Variants in ZNF79 observed in about 807,000 individuals in gnomAD.
ZNF79 encodes ZNFpT7.
In ZNF79, 13 loss-of-function variants were observed where a neutral mutation model predicts 14.9. The ratio of observed to expected loss-of-function variants is 0.87; its 90% CI spans 0.57 to 1.38. ZNF79 has a LOEUF of 1.38. ZNF79 is among the 40% of genes most tolerant of loss of function. ZNF79 has a pLI of 0.00. For synonymous variants in ZNF79, 223 were observed against 235.1 expected, an observed-to-expected ratio of 0.95 and a Z score of 0.47; for missense variants, 631 against 630.6, an observed-to-expected ratio of 1.00 and a Z score of -0.01.
At chr9:127,439,111 C>A (rs200713236) in intron 4 of ZNF79, among the ~76,000 whole-genome samples, 20 of 145,568 alleles carry the variant, frequency 1.4e-4, no homozygotes, top group Admixed American at 2.1e-4. Flanking sequence ...GACTCTGTCA[C>A]AAAAAAAAAG....
intron 1 of ZNF79, among the ~76,000 whole-genome samples, chr9:127,427,026 C>CT (rs112931218): frequency 3.3e-5 from 5 of 152,184 alleles, no homozygotes; most frequent in African/African-American, 9.6e-5. Context: ...TTTTCATTTG[C>CT]TTTTCCCCAA....
intron 3 of ZNF79, 85 bp downstream of exon 3, chr9:127,435,301 A>G: frequency 6.9e-7 from 1 of 1,441,314 alleles, no homozygotes; most frequent in East Asian, 2.5e-5. Context: ...GGGGTTTCTG[A>G]CTGGTGTGAT....
At chr9:127,427,539 A>ATTTT (rs1564230225) in intron 1 of ZNF79, among the ~76,000 whole-genome samples, 2 of 122,640 alleles carry the variant, frequency 1.6e-5, no homozygotes, top group Non-Finnish European at 1.7e-5. Flanking sequence ...CAATAACTAA[A>ATTTT]TTCTTTTTTT....
intron 4 of ZNF79, among the ~76,000 whole-genome samples, chr9:127,441,855 G>C (rs141415223): frequency 2.3e-3 from 353 of 151,272 alleles, no homozygotes; most frequent in African/African-American, 8.2e-3. Flanking sequence ...TGAGGCAGGA[G>C]AATGGCATGA....
intron 4 of ZNF79, 58 bp downstream of exon 4, chr9:127,436,061 ACG>A (rs1833943073): frequency 2.1e-6 from 3 of 1,425,746 alleles, no homozygotes; most frequent in African/African-American, 1.4e-5. Flanking sequence ...CCTTTAAATC[ACG>A]CATGAGTGTA....
intron 4 of ZNF79, among the ~76,000 whole-genome samples, chr9:127,440,440 G>C (rs1463803155): frequency 6.6e-6 from 1 of 152,180 alleles, no homozygotes; most frequent in African/African-American, 2.4e-5. Flanking sequence ...TAGAAGACCT[G>C]TGTGGCCAGA....
chr9:127,432,972 G>A, intron 2 of ZNF79, among the ~76,000 whole-genome samples: 1 of 152,096 alleles, frequency 6.6e-6, no homozygotes, highest in East Asian at 1.9e-4. Flanking sequence ...AGTAGAGATG[G>A]GGTTTCACCA....
Position 127,444,638 on chromosome 9 carries a change from C to A in ZNF79, c.938C>A (p.Ala313Asp). Residue 313 changes from alanine (A) to aspartate (D), a missense_variant, in exon 5 of 5, where the codon GCC becomes GAC. Physicochemically the swap from Ala to Asp is moderately radical, Grantham distance 126. Coordinates refer to ENST00000342483, the MANE Select transcript of ZNF79 (RefSeq NM_007135.3). ...TACGAATGCAGCGACTGTGGGAAGG[C>A]CTTCCGTCACAGTGCAAACCTCACG... ...KPYECSDCGK[A>D]FRHSANLTNH... 2 of 1,614,106 alleles carry A rather than the reference C, an allele frequency of 1.2e-6. No individual in the cohort carries two copies. Among genetic ancestry groups the A allele is most frequent in the South Asian group, 2.2e-5 (2 of 91,082 alleles).
intron 2 of ZNF79, among the ~76,000 whole-genome samples, chr9:127,431,008 G>A (rs925587817): frequency 1.3e-5 from 2 of 152,114 alleles, no homozygotes; most frequent in African/African-American, 4.8e-5. Context: ...TCATGGTTTT[G>A]ATTTGCATTT....
Position 127,435,092 on chromosome 9 carries a change from A to G in ZNF79, c.108A>G (p.Gly36=). 6.2e-7 allele frequency: 1 copy of G among 1,607,428 alleles called. No homozygotes were observed. The highest frequency in any genetic ancestry group is 8.5e-7 in the Non-Finnish European group (1 of 1,177,276). Reference sequence around the variant, plus strand: ...ATGAAATGTGCTTGTTTTTTCAGGGATCCACATTCTTCAGCAGTGTGACGG... The same window carrying G: ...ATGAAATGTGCTTGTTTTTTCAGGGGTCCACATTCTTCAGCAGTGTGACGG... The part of the protein sequence containing the change: ...AAGLLTAGPR[G]STFFSSVTVA... The change falls in exon 3 of 5, where the codon GGA becomes GGG. Residue 36 remains glycine, a splice_region_variant and synonymous_variant. Transcript: ENST00000342483.
chr9:127,445,097 T>C lies in ZNF79; in HGVS notation c.1397T>C (p.Ile466Thr), dbSNP rs777509271. The change falls in exon 5 of 5, where the codon ATC (isoleucine) becomes ACC (threonine). Residue 466 changes from isoleucine (I) to threonine (T), a missense_variant. Ile to Thr is a moderately conservative substitution (Grantham distance 89). Transcript: ENST00000342483. The stretch of plus-strand genomic sequence containing the variant: ...TCATCCCTTAGTCAGCATCAGAGAA[T>C]CCACACAGGCGTGAAACCCTACGAA... ...QSSSLSQHQR[I>T]HTGVKPYECS... 12 of 1,606,582 alleles carry C rather than the reference T, an allele frequency of 7.5e-6. No individual in the cohort carries two copies. In the East Asian group the frequency reaches 2.7e-4, roughly 36 times the overall value.
At chr9:127,431,277 G>C (rs1452683519) in intron 2 of ZNF79, among the ~76,000 whole-genome samples, 1 of 146,060 alleles carries the variant, frequency 6.8e-6, no homozygotes, top group East Asian at 2.0e-4. Context: ...TTTTTTTAGA[G>C]ACAGAGTCTC....
chr9:127,444,897 C>G lies in ZNF79; in HGVS notation c.1197C>G (p.Ser399Arg), dbSNP rs760670151. The part of the protein sequence containing the change: ...YKCSECGKAF[S>R]QSTNLIIHQK... The stretch of plus-strand genomic sequence containing the variant: ...GCAGCGAGTGTGGGAAGGCCTTCAG[C>G]CAGAGTACCAATCTCATAATCCACC... The change falls in exon 5 of 5, where the codon AGC (serine) becomes AGG (arginine). Residue 399 changes from serine to arginine, a missense_variant. Transcript: ENST00000342483. 1.1e-5 allele frequency: 17 copies of G among 1,608,922 alleles called. No individual in the cohort carries two copies. The highest frequency in any genetic ancestry group is 1.4e-5 in the Non-Finnish European group (16 of 1,178,634).
At chr9:127,437,677 C>T (rs1833974452) in intron 4 of ZNF79, among the ~76,000 whole-genome samples, 1 of 151,704 alleles carries the variant, frequency 6.6e-6, no homozygotes, top group South Asian at 2.1e-4. Flanking sequence ...TTCCTTGCCT[C>T]TTTCTAGTTT....
rs748112942 is a variant in ZNF79 at position 127,428,902 on chromosome 9, C to T, written c.87C>T (p.Leu29=). Residue 29 remains leucine, a synonymous_variant, in exon 2 of 5, where the codon CTC becomes CTT. Coordinates refer to ENST00000342483, the MANE Select transcript of ZNF79 (RefSeq NM_007135.3). ...NTGEEGMAAG[L]LTAGPRGSTF... ...GAGAGGAAGGAATGGCTGCTGGTCT[C>T]CTCACAGCTGGGCCCCGGGTAAGTT... The T allele has an allele frequency of 3.1e-6, 5 of 1,600,688 alleles. No individual in the cohort carries two copies. The highest frequency in any genetic ancestry group is 4.3e-6 in the Non-Finnish European group (5 of 1,172,812).
At chr9:127,425,021 A>G in intron 1 of ZNF79, 1 of 1,317,702 alleles carries the variant, frequency 7.6e-7, no homozygotes, top group Non-Finnish European at 1.0e-6. Context: ...GGGGGTCAAA[A>G]AAGTTTGAGG....
At chr9:127,438,496 GC>G (rs1377417621) in intron 4 of ZNF79, among the ~76,000 whole-genome samples, 5 of 152,182 alleles carry the variant, frequency 3.3e-5, no homozygotes, top group Non-Finnish European at 1.5e-5. Flanking sequence ...TCTAAACCCT[GC>G]CCTCCTGGGC....
At chr9:127,435,259 G>A (rs532337424) in intron 3 of ZNF79, 43 bp downstream of exon 3, 1 of 1,544,120 alleles carries the variant, frequency 6.5e-7, no homozygotes, top group Non-Finnish European at 8.7e-7. Flanking sequence ...ACTCAATTCT[G>A]AAAATCTGTG....
Position 127,428,876 on chromosome 9 carries a change from G to A in ZNF79, c.61G>A (p.Gly21Arg). 1.2e-6 allele frequency: 2 copies of A among 1,605,510 alleles called. No individual in the cohort carries two copies. Among genetic ancestry groups the A allele is most frequent in the Non-Finnish European group, 1.7e-6 (2 of 1,175,408 alleles). Residue 21 changes from glycine to arginine, a missense_variant, in exon 2 of 5, where the codon GGA (glycine) becomes AGA (arginine). By Grantham distance (125) the Gly-to-Arg change is moderately radical. Coordinates refer to ENST00000342483, the MANE Select transcript of ZNF79 (RefSeq NM_007135.3). ...GPALPQEENT[G>R]EEGMAAGLLT... ...TGCCCTTCCCCAAGAGGAAAACACA[G>A]GAGAGGAAGGAATGGCTGCTGGTCT...
Sources: allele counts gnomAD v4.1 joint callset (sites outside exome capture counted in the v4.1 genomes callset), GRCh38; gene constraint gnomAD v4.1.1; transcripts MANE v1.5; gene names NCBI Gene and HGNC (gene_info 2026-07-23, HGNC 2026-07-21).